RASGRP3: variants seen among roughly 807,000 people sequenced by gnomAD.
RASGRP3 encodes the protein ras guanyl-releasing protein 3.
In RASGRP3, 54 loss-of-function variants were observed where a neutral mutation model predicts 82.7. The observed-to-expected ratio is 0.65, with a 90% CI of 0.52 to 0.82. The LOEUF (loss-of-function observed/expected upper bound fraction) is 0.82, where lower values mean the gene tolerates loss of function less well. Ranked by LOEUF, RASGRP3 falls within the 40% of genes least tolerant of loss-of-function variation. RASGRP3 has a pLI of 0.00. For synonymous variants in RASGRP3, 309 were observed against 300.5 expected, an observed-to-expected ratio of 1.03 and a Z score of -0.29; for missense variants, 861 against 828.9, an observed-to-expected ratio of 1.04 and a Z score of -0.48.
intron 1 of RASGRP3, among the ~76,000 whole-genome samples, chr2:33,487,508 G>A (rs1046454618): frequency 6.6e-6 from 1 of 152,180 alleles, no homozygotes; most frequent in African/African-American, 2.4e-5. Flanking sequence ...TGAATAATCA[G>A]CATATGAATA....
chr2:33,536,990 C>T (rs1673679087), intron 11 of RASGRP3, among the ~76,000 whole-genome samples: 1 of 152,112 alleles, frequency 6.6e-6, no homozygotes, highest in Non-Finnish European at 1.5e-5. Flanking sequence ...GTCAGGGTGA[C>T]AGCCTTTTAC....
Position 33,558,788 on chromosome 2 carries a change from G to A in RASGRP3, c.1822G>A (p.Ala608Thr). Residue 608 changes from alanine (A) to threonine (T), a missense_variant, in exon 17 of 18, where the codon GCC becomes ACC. Coordinates refer to ENST00000403687, the MANE Select transcript of RASGRP3 (RefSeq NM_001139488.2). Reference protein sequence around the residue: ...SRKISVRLQRATTSQATQTEP... With the variant: ...SRKISVRLQRTTTSQATQTEP... The stretch of plus-strand genomic sequence containing the variant: ...CAAGATCTCTGTGAGGCTACAGAGG[G>A]CCACCACCAGCCAGGCCACCCAGAC... The A allele has an allele frequency of 6.2e-7, 1 of 1,613,984 alleles. No individual in the cohort carries two copies. The highest frequency in any genetic ancestry group is 1.3e-5 in the African/African-American group (1 of 75,028).
At chr2:33,562,696 C>A in intron 17 of RASGRP3, 33 bp from the exon 18 acceptor site, 2 of 1,610,452 alleles carry the variant, frequency 1.2e-6, no homozygotes, top group Non-Finnish European at 8.5e-7. Flanking sequence ...ATATGAGATC[C>A]AGCCATGCAA....
At chr2:33,488,400 C>T (rs910666158) in intron 1 of RASGRP3, among the ~76,000 whole-genome samples, 1 of 152,052 alleles carries the variant, frequency 6.6e-6, no homozygotes, top group African/African-American at 2.4e-5. Flanking sequence ...AATAATGGAA[C>T]ACAGAAGATG....
chr2:33,487,271 A>T (rs17013132), intron 1 of RASGRP3, among the ~76,000 whole-genome samples: 8,453 of 152,288 alleles, frequency 0.056, 258 homozygotes, highest in South Asian at 0.1. Flanking sequence ...ATACATTTGC[A>T]TTCTGGAAAA....
intron 11 of RASGRP3, among the ~76,000 whole-genome samples, chr2:33,535,943 T>C (rs12479397): frequency 0.14 from 21,989 of 152,170 alleles, 1,899 homozygotes; most frequent in Admixed American, 0.19. Context: ...GGCACCAGAA[T>C]CGCTTCCAGT....
chr2:33,448,029 C>G (rs1340247162), intron 2 of RASGRP3: 1 of 152,134 alleles, frequency 6.6e-6, no homozygotes, highest in Non-Finnish European at 1.5e-5. Flanking sequence ...TGTTTTCAAC[C>G]CCACTGAAAC....
chr2:33,487,638 T>C (rs1668511738), intron 1 of RASGRP3, among the ~76,000 whole-genome samples: 1 of 152,124 alleles, frequency 6.6e-6, no homozygotes, highest in Non-Finnish European at 1.5e-5. Context: ...AACAAAAGTT[T>C]GAGATTTCCA....
chr2:33,444,028 G>T (rs1292067390), intron 1 of RASGRP3, among the ~76,000 whole-genome samples: 1 of 152,160 alleles, frequency 6.6e-6, no homozygotes, highest in Admixed American at 6.5e-5. Flanking sequence ...AGGAGTGGGG[G>T]ATAGTGCCTT....
chr2:33,517,821 A>C (rs1671610781), intron 4 of RASGRP3, among the ~76,000 whole-genome samples: 1 of 152,206 alleles, frequency 6.6e-6, no homozygotes, highest in African/African-American at 2.4e-5. Context: ...CATGAAACAC[A>C]AATAAAAAGG....
Position 33,461,509 on chromosome 2 carries a change from C to A in RASGRP3, c.-261+13566C>A, listed in dbSNP as rs571565050. On this transcript the variant is annotated intron_variant, in intron 2 of 18. Transcript: ENST00000402538. ...GCCAGGCTGGTCTTGAACTCCCAAG[C>A]TCAAGTGATCCACCTGCCTTGGCCT... Among the ~76,000 whole-genome samples, 6 of 152,348 alleles carry A rather than the reference C, an allele frequency of 3.9e-5. No homozygotes were observed. In the South Asian group the frequency reaches 6.2e-4, roughly 16 times the overall value.
rs116379107 is a variant in RASGRP3 at position 33,522,611 on chromosome 2, G to A, written c.516+509G>A. Among the ~76,000 whole-genome samples the A allele has an allele frequency of 3.7e-3, 564 of 152,246 alleles. 1 individual carries two copies. The highest frequency in any genetic ancestry group is 6.2e-3 in the Non-Finnish European group (420 of 68,016). ...TTTCTTTCCTACTCATCTTGATGGA[G>A]CCTCATTCCTTCTCTAACTCCCCCT... On this transcript the variant is annotated intron_variant, in intron 7 of 17. Coordinates refer to ENST00000403687, the MANE Select transcript of RASGRP3 (RefSeq NM_001139488.2).
chr2:33,495,414 G>T (rs993598255), intron 1 of RASGRP3, among the ~76,000 whole-genome samples: 3 of 152,096 alleles, frequency 2.0e-5, no homozygotes, highest in Admixed American at 6.6e-5. Context: ...ATCTAACGCC[G>T]CAGCTCATCT....
At chr2:33,557,627 G>A (rs1252282318) in intron 15 of RASGRP3, among the ~76,000 whole-genome samples, 1 of 151,700 alleles carries the variant, frequency 6.6e-6, no homozygotes, top group Non-Finnish European at 1.5e-5. Context: ...GGAGAATGGT[G>A]TGAACCCGGG....
At position 33,498,992 on chromosome 2, in the gene RASGRP3, G is replaced by A. The variant is rs868554221; in HGVS notation, c.-260-12718G>A. Among the ~76,000 whole-genome samples, 42 of 152,114 alleles carry A rather than the reference G, an allele frequency of 2.8e-4. 1 individual carries two copies. The highest frequency in any genetic ancestry group is 8.7e-4 in the African/African-American group (36 of 41,420). On this transcript the variant is annotated intron_variant, in intron 1 of 17. Transcript: ENST00000403687. ...GTAATTTTATCCTCTTTAACAATCT[G>A]TAATACTAAAAATTGGGAAGCATAT...
intron 2 of RASGRP3, chr2:33,457,971 T>C (rs1666133302): frequency 6.6e-6 from 1 of 152,214 alleles, no homozygotes; most frequent in African/African-American, 2.4e-5. Flanking sequence ...ACCTGGCCCT[T>C]CAACTGAGGA....
intron 7 of RASGRP3, 136 bp downstream of exon 7, chr2:33,522,238 G>A (rs1333668638): frequency 3.5e-5 from 33 of 931,936 alleles, no homozygotes; most frequent in Non-Finnish European, 5.0e-5. Context: ...TAATTCACAG[G>A]AACAATCCCT....
chr2:33,455,942 C>T (rs764538533), intron 2 of RASGRP3, among the ~76,000 whole-genome samples: 1 of 152,158 alleles, frequency 6.6e-6, no homozygotes, highest in Non-Finnish European at 1.5e-5. Context: ...TTCAATAAAC[C>T]AGCTGGATAT....
At chr2:33,443,108 C>A (rs1240689960) in intron 1 of RASGRP3, among the ~76,000 whole-genome samples, 1 of 152,132 alleles carries the variant, frequency 6.6e-6, no homozygotes, top group Non-Finnish European at 1.5e-5. Flanking sequence ...CTGAATAACT[C>A]CCTGTTGCCC....
Sources: gnomAD v4.1 joint callset for allele counts (sites outside exome capture counted in the v4.1 genomes callset) on GRCh38, gnomAD v4.1.1 for gene constraint, MANE v1.5 for transcripts, NCBI Gene and HGNC (gene_info 2026-07-23, HGNC 2026-07-21) for gene names.